The following MSI2 variants were observed in gnomAD, a reference collection of about 807,000 sequenced individuals.
The protein encoded by MSI2 is musashi RNA binding protein 2.
MSI2 carries 17 observed loss-of-function variants against 45.6 expected under a neutral mutation model. That is an observed-to-expected ratio of 0.37 (90% CI 0.26 to 0.56). The LOEUF is 0.56. MSI2 is among the 20% of genes least tolerant of loss of function. The pLI is 0.77. For synonymous variants in MSI2, 156 were observed against 158.2 expected (o/e 0.99, Z 0.11); for missense variants, 293 against 444.2 (o/e 0.66, Z 3.06).
At position 57,652,317 on chromosome 17, in the gene MSI2, C is replaced by T. The variant is rs538310615; in HGVS notation, c.790+156C>T. Among the ~76,000 whole-genome samples the T allele has an allele frequency of 3.3e-5, 5 of 152,064 alleles. No individual in the cohort carries two copies. The East Asian group carries it at 5.8e-4, about 18-fold the overall frequency. On this transcript the variant is annotated intron_variant, in intron 11 of 13. Transcript: ENST00000284073. This position sits in a 1 kb window ranked among gnomAD's most constrained non-coding sequence, Gnocchi z 4.1. ...GACGGGGAGGGGGTGGACCGGGAGG[C>T]GCGGGCAAGGCCTGGCCACCCAGGG...
the MSI2 span, among the ~76,000 whole-genome samples, chr17:57,694,743 A>G: frequency 1.3e-5 from 2 of 152,154 alleles, no homozygotes; most frequent in Non-Finnish European, 2.9e-5. Flanking sequence ...TGGCCTTAGA[A>G]TCCCTGGCCC....
intron 5 of MSI2, among the ~76,000 whole-genome samples, chr17:57,283,962 T>C (rs1909645399): frequency 6.6e-6 from 1 of 152,198 alleles, no homozygotes. Context: ...GATTGCTCTG[T>C]ATTTGTAAAC....
At chr17:57,586,716 TA>T (rs2088356851) in intron 7 of MSI2, among the ~76,000 whole-genome samples, 1 of 152,152 alleles carries the variant, frequency 6.6e-6, no homozygotes, top group Admixed American at 6.5e-5. Flanking sequence ...AGAGGCTTCT[TA>T]AAGACAGCGT....
At chr17:57,583,218 C>T (rs968020032) in intron 7 of MSI2, among the ~76,000 whole-genome samples, 1 of 152,192 alleles carries the variant, frequency 6.6e-6, no homozygotes, top group East Asian at 1.9e-4. Flanking sequence ...AAAGCCAGAT[C>T]GCATAATCTA....
chr17:57,361,864 A>G (rs1229078117), intron 5 of MSI2, among the ~76,000 whole-genome samples: 1 of 152,236 alleles, frequency 6.6e-6, no homozygotes, highest in Admixed American at 6.5e-5. Context: ...ATTGGAACAC[A>G]TGCCCTAAGG....
At chr17:57,480,984 G>A (rs574825901) in intron 6 of MSI2, among the ~76,000 whole-genome samples, 1 of 152,302 alleles carries the variant, frequency 6.6e-6, no homozygotes, top group South Asian at 2.1e-4. Context: ...GACTGGAGAT[G>A]GCATTGATAA....
At chr17:57,581,648 A>C (rs2088209840) in intron 7 of MSI2, among the ~76,000 whole-genome samples, 1 of 152,184 alleles carries the variant, frequency 6.6e-6, no homozygotes, top group African/African-American at 2.4e-5. Flanking sequence ...AGAGGGGCTG[A>C]GGGTGAACCC....
intron 6 of MSI2, among the ~76,000 whole-genome samples, chr17:57,525,137 C>T (rs965535647): frequency 6.6e-6 from 1 of 152,202 alleles, no homozygotes; most frequent in African/African-American, 2.4e-5. Context: ...CTCTCACATA[C>T]TTCTGAGGAT....
At chr17:57,286,157 A>G in intron 5 of MSI2, 1 of 530,572 alleles carries the variant, frequency 1.9e-6, no homozygotes, top group South Asian at 4.2e-5. Flanking sequence ...TGAGAGAATA[A>G]TTTTCATGTG....
At chr17:57,480,357 T>C (rs1402026681) in intron 6 of MSI2, among the ~76,000 whole-genome samples, 2 of 152,228 alleles carry the variant, frequency 1.3e-5, no homozygotes, top group Non-Finnish European at 2.9e-5. Flanking sequence ...TAGATATCAA[T>C]GTAACCATTA....
chr17:57,586,270 G>A (rs551498268), intron 7 of MSI2, among the ~76,000 whole-genome samples: 3 of 152,146 alleles, frequency 2.0e-5, no homozygotes, highest in Admixed American at 6.5e-5. Context: ...CCCTGCAGCC[G>A]CAGGCACTTT....
chr17:57,356,882 A>T (rs1916461352), intron 5 of MSI2, among the ~76,000 whole-genome samples: 1 of 152,150 alleles, frequency 6.6e-6, no homozygotes, highest in Non-Finnish European at 1.5e-5. Context: ...AAAATTAAAC[A>T]GGTGATTAGC....
At chr17:57,283,422 G>A (rs901478146) in intron 5 of MSI2, among the ~76,000 whole-genome samples, 1 of 152,064 alleles carries the variant, frequency 6.6e-6, no homozygotes, top group East Asian at 1.9e-4. Context: ...AACTTCAGGG[G>A]GGCTTGATTT....
At chr17:57,418,660 G>A (rs557166259) in intron 6 of MSI2, among the ~76,000 whole-genome samples, 11 of 152,322 alleles carry the variant, frequency 7.2e-5, no homozygotes, top group African/African-American at 2.2e-4. Flanking sequence ...AGGCTTGCTC[G>A]TCATGCAACA....
chr17:57,503,248 G>A (rs78361762), intron 6 of MSI2, among the ~76,000 whole-genome samples: 2,064 of 152,302 alleles, frequency 0.014, 21 homozygotes, highest in Admixed American at 0.027. Context: ...TAAGGATGAA[G>A]TCTCAATAAA....
intron 6 of MSI2, among the ~76,000 whole-genome samples, chr17:57,463,230 G>A (rs948289531): frequency 9.9e-5 from 15 of 152,158 alleles, no homozygotes; most frequent in Non-Finnish European, 1.5e-4. Context: ...GAGGGAAGGC[G>A]TGGGGCTGGA....
intron 8 of MSI2, among the ~76,000 whole-genome samples, chr17:57,610,325 A>G (rs1474159207): frequency 6.6e-6 from 1 of 151,966 alleles, no homozygotes; most frequent in Non-Finnish European, 1.5e-5. Flanking sequence ...GGTGGCGTGC[A>G]CCTATAGTCC....
intron 5 of MSI2, among the ~76,000 whole-genome samples, chr17:57,327,801 G>T (rs1913930448): frequency 6.6e-6 from 1 of 152,096 alleles, no homozygotes; most frequent in African/African-American, 2.4e-5. Context: ...GGGATATGAG[G>T]GACTTGTAGT....
intron 5 of MSI2, among the ~76,000 whole-genome samples, chr17:57,358,204 G>GGTGT (rs1295831661): frequency 1.4e-5 from 1 of 72,466 alleles, no homozygotes; most frequent in Non-Finnish European, 2.8e-5. Context: ...TGTGTGGGGG[G>GGTGT]GTGTGTGTGT....
Sources: gnomAD v4.1 joint callset for allele counts (sites outside exome capture counted in the v4.1 genomes callset) on GRCh38, gnomAD v4.1.1 for gene constraint, Gnocchi (gnomAD v3.1) non-coding constraint, MANE v1.5 for transcripts, NCBI Gene and HGNC (gene_info 2026-07-23, HGNC 2026-07-21) for gene names.